The following CCNY variants were observed in gnomAD, a reference collection of about 807,000 sequenced individuals.
CCNY encodes cyclin Y.
In CCNY, 19 loss-of-function variants were observed where a neutral mutation model predicts 42.8. The observed-to-expected ratio is 0.44, with a 90% CI of 0.31 to 0.65. The LOEUF (loss-of-function observed/expected upper bound fraction) is 0.65, where lower values mean the gene tolerates loss of function less well. CCNY is among the 30% of genes least tolerant of loss of function. The pLI, the probability that CCNY is intolerant of heterozygous loss-of-function variation, is 0.07. For missense variants in CCNY, 370 were observed against 437.3 expected, an observed-to-expected ratio of 0.85 and a Z score of 1.37; for synonymous variants, 165 against 162.7, an observed-to-expected ratio of 1.01 and a Z score of -0.11.
chr10:35,449,971 C>G (rs1189201341), intron 1 of CCNY, among the ~76,000 whole-genome samples: 1 of 152,184 alleles, frequency 6.6e-6, no homozygotes, highest in Non-Finnish European at 1.5e-5. Context: ...CAGCTGTGTA[C>G]AGCTGCTTGG....
chr10:35,510,180 C>T (rs941138724), intron 3 of CCNY, among the ~76,000 whole-genome samples: 12 of 152,096 alleles, frequency 7.9e-5, no homozygotes, highest in African/African-American at 2.4e-4. Flanking sequence ...CAAACTTTTA[C>T]TCCTTCTTTT....
intron 3 of CCNY, among the ~76,000 whole-genome samples, chr10:35,511,205 G>A (rs1332776967): frequency 6.6e-6 from 1 of 152,194 alleles, no homozygotes; most frequent in African/African-American, 2.4e-5. Context: ...CCACAGTTGG[G>A]GGCAGTGAGC....
At chr10:35,335,352 G>T (rs1836001102), upstream of CCNY, among the ~76,000 whole-genome samples, 1 of 152,002 alleles carries the variant, frequency 6.6e-6, no homozygotes, top group South Asian at 2.1e-4. Context: ...GCAAAGCAAG[G>T]GCAGTCGATG....
At chr10:35,267,273 A>G (rs2095726476) in intron 3 of CCNY, among the ~76,000 whole-genome samples, 1 of 148,962 alleles carries the variant, frequency 6.7e-6, no homozygotes, top group Admixed American at 6.8e-5. Context: ...GTGCCATCCT[A>G]CTCCAGCCTG....
intron 2 of CCNY, among the ~76,000 whole-genome samples, chr10:35,494,295 C>T (rs530292802): frequency 7.0e-6 from 1 of 142,896 alleles, no homozygotes; most frequent in African/African-American, 2.5e-5. Flanking sequence ...AGAGTTGCTT[C>T]AACACACCTT....
intron 1 of CCNY, among the ~76,000 whole-genome samples, chr10:35,379,296 C>T (rs2135189307): frequency 6.6e-6 from 1 of 152,292 alleles, no homozygotes; most frequent in Non-Finnish European, 1.5e-5. Flanking sequence ...CCCTGCCCCC[C>T]TGGACCTGGA....
chr10:35,402,097 G>A (rs1310322586), intron 1 of CCNY, among the ~76,000 whole-genome samples: 2 of 152,110 alleles, frequency 1.3e-5, no homozygotes, highest in Admixed American at 1.3e-4. Context: ...GGGGTGGTAT[G>A]GAGAGATAAT....
intron 2 of CCNY, among the ~76,000 whole-genome samples, chr10:35,490,816 C>T (rs915327995): frequency 3.9e-5 from 6 of 152,110 alleles, no homozygotes; most frequent in East Asian, 1.9e-4. Flanking sequence ...GTTTTCACAC[C>T]AGGTCAGTGC....
chr10:35,389,355 C>T (rs551380431), intron 1 of CCNY, among the ~76,000 whole-genome samples: 3 of 151,654 alleles, frequency 2.0e-5, no homozygotes, highest in Non-Finnish European at 4.4e-5. Context: ...ATATATGGTG[C>T]TTAGTAAGTG....
exon 3 of CCNY, chr10:35,250,542 T>G (rs1166004667): frequency 1.3e-5 from 2 of 152,318 alleles, no homozygotes; most frequent in Non-Finnish European, 2.9e-5. Context: ...TGAAAATCTT[T>G]GGAAGAGAAG....
At chr10:35,293,873 C>T (rs1159109340) in intron 3 of CCNY, among the ~76,000 whole-genome samples, 2 of 151,588 alleles carry the variant, frequency 1.3e-5, no homozygotes, top group African/African-American at 4.9e-5. Flanking sequence ...TCACTGCAAC[C>T]TCTGCCTCCT....
At chr10:35,396,531 G>C (rs776164146) in intron 1 of CCNY, among the ~76,000 whole-genome samples, 2 of 152,218 alleles carry the variant, frequency 1.3e-5, no homozygotes, top group Non-Finnish European at 2.9e-5. Flanking sequence ...AGGGTGCCCC[G>C]ATGTTCTCAC....
intron 1 of CCNY, among the ~76,000 whole-genome samples, chr10:35,461,996 C>T (rs755518141): frequency 6.6e-5 from 10 of 151,998 alleles, no homozygotes; most frequent in Non-Finnish European, 1.3e-4. Flanking sequence ...ATTCCAGGCT[C>T]CTCTAATCTC....
chr10:35,355,678 CAAAAAAAAAAAAA>C (rs60257114), intron 1 of CCNY, among the ~76,000 whole-genome samples: 17 of 57,426 alleles, frequency 3.0e-4, no homozygotes, highest in Admixed American at 1.2e-3. Flanking sequence ...ATACTGTCTC[CAAAAAAAAAAAAA>C]AAAAAAAAAA....
At chr10:35,535,342 G>A (rs1840863243) in intron 7 of CCNY, among the ~76,000 whole-genome samples, 1 of 152,022 alleles carries the variant, frequency 6.6e-6, no homozygotes, top group Non-Finnish European at 1.5e-5. Context: ...CGGCACCAGG[G>A]AGTGATTACA....
intron 1 of CCNY, among the ~76,000 whole-genome samples, chr10:35,471,588 G>A (rs569096700): frequency 2.0e-5 from 3 of 152,318 alleles, no homozygotes; most frequent in South Asian, 4.1e-4. Flanking sequence ...GCCACATGCC[G>A]TTTGATTTAT....
intron 1 of CCNY, among the ~76,000 whole-genome samples, chr10:35,454,739 G>T (rs1055769873): frequency 6.6e-6 from 1 of 152,226 alleles, no homozygotes; most frequent in Non-Finnish European, 1.5e-5. Flanking sequence ...CTCTCTGGCA[G>T]CAGCTTTCTT....
chr10:35,288,717 A>G (rs1471406051), intron 3 of CCNY, among the ~76,000 whole-genome samples: 3 of 152,190 alleles, frequency 2.0e-5, no homozygotes, highest in Admixed American at 1.3e-4. Context: ...TTGTGCCACA[A>G]CCATTTGTTA....
At chr10:35,421,977 A>G (rs990021872) in intron 1 of CCNY, among the ~76,000 whole-genome samples, 38 of 152,220 alleles carry the variant, frequency 2.5e-4, no homozygotes, top group African/African-American at 8.4e-4. Flanking sequence ...GCACAGAGAA[A>G]GTCACTGCCC....
Sources: allele counts gnomAD v4.1 joint callset (sites outside exome capture counted in the v4.1 genomes callset), GRCh38; gene constraint gnomAD v4.1.1; transcripts MANE v1.5; gene names NCBI Gene and HGNC (gene_info 2026-07-23, HGNC 2026-07-21).